Variants in TBC1D32 observed in about 807,000 individuals in gnomAD.
TBC1D32 encodes the protein protein broad-minded.
In TBC1D32, 151 loss-of-function variants were observed where a neutral mutation model predicts 170.3. The ratio of observed to expected loss-of-function variants is 0.89; its 90% CI spans 0.78 to 1.01. The LOEUF (loss-of-function observed/expected upper bound fraction) is 1.01. Among genes scored for constraint, TBC1D32 ranks in the 50% least tolerant of loss-of-function variants. The probability of loss-of-function intolerance (pLI) is 0.00; values close to 1 mark genes in which losing one functional copy is unlikely to be tolerated. For missense variants in TBC1D32, 1,464 were observed against 1,457.1 expected (o/e 1.00, Z -0.08); for synonymous variants, 498 against 488.0 (o/e 1.02, Z -0.27).
At chr6:121,257,593 G>A (rs1563110491) in intron 15 of TBC1D32, among the ~76,000 whole-genome samples, 2 of 152,072 alleles carry the variant, frequency 1.3e-5, no homozygotes, top group Non-Finnish European at 2.9e-5. Context: ...GAAAAGGCTG[G>A]AAAAAAATGC....
chr6:121,102,748 T>C (rs1778258757), intron 30 of TBC1D32, among the ~76,000 whole-genome samples: 1 of 152,048 alleles, frequency 6.6e-6, no homozygotes, highest in Admixed American at 6.6e-5. Flanking sequence ...TGGGATCTAA[T>C]TAAACTAAAG....
chr6:121,102,528 C>T (rs369077557), intron 30 of TBC1D32, among the ~76,000 whole-genome samples: 2 of 152,228 alleles, frequency 1.3e-5, no homozygotes, highest in Non-Finnish European at 1.5e-5. Flanking sequence ...GGAAAACTGG[C>T]TAGCCATATG....
At chr6:121,122,556 T>TG (rs148716215) in intron 26 of TBC1D32, among the ~76,000 whole-genome samples, 1 of 148,608 alleles carries the variant, frequency 6.7e-6, no homozygotes, top group African/African-American at 2.5e-5. Context: ...TGAAGTGTGG[T>TG]AAAAAAAAAA....
At chr6:121,123,246 G>GA (rs1780465508) in intron 26 of TBC1D32, among the ~76,000 whole-genome samples, 1 of 151,996 alleles carries the variant, frequency 6.6e-6, no homozygotes, top group African/African-American at 2.4e-5. Context: ...TATTATAAAT[G>GA]ATGTTGAATT....
chr6:121,133,063 T>C (rs887032597), intron 24 of TBC1D32, among the ~76,000 whole-genome samples: 3 of 151,860 alleles, frequency 2.0e-5, no homozygotes, highest in Non-Finnish European at 4.4e-5. Context: ...TTTGAAATTA[T>C]AGGGTTAAAG....
intron 15 of TBC1D32, among the ~76,000 whole-genome samples, chr6:121,269,171 C>A (rs148378887): frequency 6.6e-6 from 1 of 152,116 alleles, no homozygotes; most frequent in Admixed American, 6.6e-5. Context: ...CCAACTTGTA[C>A]AGACCATCGA....
At chr6:121,325,774 G>C (rs1810378199) in intron 1 of TBC1D32, among the ~76,000 whole-genome samples, 1 of 152,156 alleles carries the variant, frequency 6.6e-6, no homozygotes, top group Non-Finnish European at 1.5e-5. Flanking sequence ...ATTGACAAAT[G>C]CGATCTAATT....
In TBC1D32 at chr6:121,131,748, A is replaced by C; in HGVS notation, c.2778T>G (p.Asn926Lys). The C allele has an allele frequency of 6.3e-7, 1 of 1,587,242 alleles. No individual in the cohort carries two copies. Among genetic ancestry groups the C allele is most frequent in the Non-Finnish European group, 8.6e-7 (1 of 1,159,214 alleles). ...ITRNAGIKQD[N>K]DLDKLLLCLK... is the part of the protein sequence containing the mutation. Reference sequence around the variant, plus strand: ...GGCATAATAAAAGCTTGTCAAGATCATTGTCTAATCAGAAAGATAACATAC... The same window carrying C: ...GGCATAATAAAAGCTTGTCAAGATCCTTGTCTAATCAGAAAGATAACATAC... The change falls in exon 25 of 32, where the codon AAT (asparagine) becomes AAG (lysine). Residue 926 changes from asparagine (N) to lysine (K), a missense_variant. Physicochemically the swap from Asn to Lys is moderately conservative, Grantham distance 94. Transcript: ENST00000398212.
chr6:121,303,641 C>T lies in TBC1D32; in HGVS notation c.1056G>A (p.Lys352=), dbSNP rs763859522. 2.5e-6 allele frequency: 4 copies of T among 1,583,890 alleles called. No homozygotes were observed. The South Asian group carries it at 3.5e-5, about 14-fold the overall frequency. ...PIYFFALVDT[K]AVWFKKWMHA... is the part of the protein sequence containing the mutation. The stretch of plus-strand genomic sequence containing the variant: ...CCATCCACTTTTTGAACCACACAGC[C>T]TTGGTATCAACTAATGCAAAAAAGT... Residue 352 remains lysine (K), a synonymous_variant, in exon 9 of 32, where the codon AAG becomes AAA. Transcript: ENST00000398212.
intron 20 of TBC1D32, among the ~76,000 whole-genome samples, chr6:121,226,464 GA>G (rs1182556491): frequency 1.3e-5 from 2 of 152,056 alleles, no homozygotes; most frequent in Non-Finnish European, 2.9e-5. Context: ...AGTGTTTTCA[GA>G]AAAGTAGTGG....
intron 16 of TBC1D32, 80 bp from the exon 17 acceptor site, chr6:121,255,490 T>C: frequency 3.4e-6 from 1 of 294,048 alleles, no homozygotes; most frequent in Non-Finnish European, 5.8e-6. Flanking sequence ...TATTTATAAT[T>C]ATATTTTATA....
At chr6:121,154,459 T>C (rs759383201) in intron 24 of TBC1D32, among the ~76,000 whole-genome samples, 2 of 152,186 alleles carry the variant, frequency 1.3e-5, no homozygotes, top group Non-Finnish European at 2.9e-5. Context: ...GGGAATCAGA[T>C]TATTTGTTTT....
At chr6:121,107,803 T>G (rs548606703) in intron 29 of TBC1D32, among the ~76,000 whole-genome samples, 4 of 152,056 alleles carry the variant, frequency 2.6e-5, no homozygotes, top group Admixed American at 6.6e-5. Context: ...ATGATTCATA[T>G]GCAGTGTCTT....
rs370793398 is a variant in TBC1D32 at position 121,321,758 on chromosome 6, G to A, written c.192C>T (p.Gly64=). Residue 64 remains glycine, a synonymous_variant, in exon 2 of 32, where the codon GGC becomes GGT. Coordinates refer to ENST00000398212, the MANE Select transcript of TBC1D32 (RefSeq NM_152730.6). ...EFVKYLRQHI[G]NTLGSMIEEE... ...CTTCAATCATAGAACCCAAAGTGTT[G>A]CCTATATGCTGCCTGAGGTATTTCA... 1.2e-6 allele frequency: 2 copies of A among 1,613,258 alleles called. No homozygotes were observed. The highest frequency in any genetic ancestry group is 1.7e-5 in the Admixed American group (1 of 59,940).
intron 17 of TBC1D32, among the ~76,000 whole-genome samples, chr6:121,248,902 T>C (rs1264826792): frequency 3.9e-5 from 6 of 151,952 alleles, no homozygotes; most frequent in African/African-American, 1.4e-4. Flanking sequence ...CCAATCCTAC[T>C]GAAACTATTC....
intron 29 of TBC1D32, among the ~76,000 whole-genome samples, chr6:121,111,473 T>C (rs1194963151): frequency 6.6e-6 from 1 of 152,192 alleles, no homozygotes; most frequent in Non-Finnish European, 1.5e-5. Flanking sequence ...TTAGATTTTT[T>C]AAAATCTTCA....
intron 30 of TBC1D32, among the ~76,000 whole-genome samples, chr6:121,091,364 A>T: frequency 6.6e-6 from 1 of 152,130 alleles, no homozygotes; most frequent in Non-Finnish European, 1.5e-5. Flanking sequence ...ACAGATAACA[A>T]ATGCTAAGAG....
chr6:121,192,810 T>C (rs1255423981), intron 22 of TBC1D32, among the ~76,000 whole-genome samples: 1 of 151,996 alleles, frequency 6.6e-6, no homozygotes, highest in Admixed American at 6.6e-5. Flanking sequence ...CAACATCTCC[T>C]CCCTGACCCA....
intron 17 of TBC1D32, among the ~76,000 whole-genome samples, chr6:121,253,803 C>T (rs975079340): frequency 2.0e-5 from 3 of 151,990 alleles, no homozygotes; most frequent in African/African-American, 2.4e-5. Context: ...TAAACTAGTA[C>T]GACCACTATT....
Sources: allele counts gnomAD v4.1 joint callset (sites outside exome capture counted in the v4.1 genomes callset), GRCh38; gene constraint gnomAD v4.1.1; transcripts MANE v1.5; gene names NCBI Gene and HGNC (gene_info 2026-07-23, HGNC 2026-07-21).